HS6ST3: variants seen among roughly 807,000 people sequenced by gnomAD.
HS6ST3 encodes heparan sulfate 6-O-sulfotransferase 3.
Under a neutral mutation model 36.7 loss-of-function variants are expected in HS6ST3, and 12 were observed. The observed-to-expected ratio is 0.33, with a 90% CI of 0.21 to 0.53. The LOEUF (loss-of-function observed/expected upper bound fraction) is 0.53. HS6ST3 is among the 20% of genes least tolerant of loss of function. The pLI, the probability that HS6ST3 is intolerant of heterozygous loss-of-function variation, is 0.95. For synonymous variants in HS6ST3, 240 were observed against 257.5 expected (o/e 0.93, Z 0.65); for missense variants, 584 against 640.9 (o/e 0.91, Z 0.96).
intron 1 of HS6ST3, among the ~76,000 whole-genome samples, chr13:96,831,087 T>G (rs576022293): frequency 1.3e-5 from 2 of 152,324 alleles, no homozygotes; most frequent in Admixed American, 1.3e-4. Flanking sequence ...TTGTCCTTAT[T>G]TTAAACCAGT....
In HS6ST3 at chr13:96,564,688, C is replaced by T. The variant is rs147837896; in HGVS notation, c.708-267802C>T. 6.3e-3 allele frequency among the ~76,000 whole-genome samples: 959 copies of T among 152,268 alleles called. 3 individuals carry two copies. Among genetic ancestry groups the T allele is most frequent in the Non-Finnish European group, 9.6e-3 (656 of 68,020 alleles). On this transcript the variant is annotated intron_variant, in intron 1 of 1. Coordinates refer to ENST00000376705, the MANE Select transcript of HS6ST3 (RefSeq NM_153456.4). Reference sequence around the variant, plus strand: ...AATTAGCAGAAATGGCACATGATCTCGCTACACTGATTCTTCCCTCATCTC... The same window carrying T: ...AATTAGCAGAAATGGCACATGATCTTGCTACACTGATTCTTCCCTCATCTC...
intron 1 of HS6ST3, among the ~76,000 whole-genome samples, chr13:96,311,666 A>G (rs2054941650): frequency 6.6e-6 from 1 of 152,178 alleles, no homozygotes; most frequent in Non-Finnish European, 1.5e-5. Flanking sequence ...CATATGTCAC[A>G]TATTGGAGGT....
intron 1 of HS6ST3, among the ~76,000 whole-genome samples, chr13:96,529,746 A>C (rs1159343000): frequency 6.6e-6 from 1 of 152,192 alleles, no homozygotes; most frequent in African/African-American, 2.4e-5. Flanking sequence ...GGGCTAAATC[A>C]CATTGTATTT....
chr13:96,103,206 G>A (rs182635662), intron 1 of HS6ST3, among the ~76,000 whole-genome samples: 210 of 152,256 alleles, frequency 1.4e-3, no homozygotes, highest in African/African-American at 4.6e-3. Flanking sequence ...CCTAAAGAGA[G>A]ATGAGTCCAA....
rs565974616 is a variant in HS6ST3, at chr13:96,459,500, G to T, written c.707+367931G>T. Reference sequence around the variant, plus strand: ...ATATGGAAAAATACTGAGAATTTAGGCACAGTTCTTAGTAGGTCAGTTAAT... The same window carrying T: ...ATATGGAAAAATACTGAGAATTTAGTCACAGTTCTTAGTAGGTCAGTTAAT... On this transcript the variant is annotated intron_variant, in intron 1 of 1. Transcript: ENST00000376705. Among the ~76,000 whole-genome samples, 4 of 152,220 alleles carry T rather than the reference G, an allele frequency of 2.6e-5. No individual in the cohort carries two copies. The South Asian group carries it at 8.3e-4, about 32-fold the overall frequency.
rs1360675960 is a variant in HS6ST3 at position 96,250,353 on chromosome 13, G to A, written c.707+158784G>A. Among the ~76,000 whole-genome samples, 3 of 152,174 alleles carry A rather than the reference G, an allele frequency of 2.0e-5. No homozygotes were observed. The East Asian group carries it at 5.8e-4, about 29-fold the overall frequency. ...GAGTGGGACTTTATTTGGAAAAAGG[G>A]TCTTTGTAGATGTGTAAGTTAAGAA... is the stretch of plus-strand genomic sequence containing the variant. On this transcript the variant is annotated intron_variant, in intron 1 of 1. Coordinates refer to ENST00000376705, the MANE Select transcript of HS6ST3 (RefSeq NM_153456.4).
intron 1 of HS6ST3, among the ~76,000 whole-genome samples, chr13:96,490,338 A>G (rs1236423694): frequency 6.6e-6 from 1 of 152,142 alleles, no homozygotes; most frequent in African/African-American, 2.4e-5. Context: ...AAAGTAGAAC[A>G]TGTGCACACT....
intron 1 of HS6ST3, among the ~76,000 whole-genome samples, chr13:96,579,704 AT>A (rs1322893090): frequency 6.6e-6 from 1 of 152,118 alleles, no homozygotes; most frequent in African/African-American, 2.4e-5. Context: ...AAATACCATT[AT>A]TTTTTTCTAC....
intron 1 of HS6ST3, among the ~76,000 whole-genome samples, chr13:96,288,919 G>A (rs2054816570): frequency 6.6e-6 from 1 of 151,922 alleles, no homozygotes. Context: ...AACCCCAAGA[G>A]ATGCTGCTAA....
At chr13:96,281,414 C>T (rs2054775508) in intron 1 of HS6ST3, among the ~76,000 whole-genome samples, 1 of 152,150 alleles carries the variant, frequency 6.6e-6, no homozygotes, top group Non-Finnish European at 1.5e-5. Flanking sequence ...AACAACTGTG[C>T]ATGCTTTTTT....
intron 1 of HS6ST3, among the ~76,000 whole-genome samples, chr13:96,435,321 AG>A (rs1021424397): frequency 3.3e-5 from 5 of 151,844 alleles, no homozygotes; most frequent in African/African-American, 9.7e-5. Flanking sequence ...TTCCCTTCCA[AG>A]GTGTACTCCT....
chr13:96,239,787 T>C (rs1028580863), intron 1 of HS6ST3, among the ~76,000 whole-genome samples: 1 of 152,150 alleles, frequency 6.6e-6, no homozygotes, highest in African/African-American at 2.4e-5. Context: ...GGGAAGGAAA[T>C]CCTTTAAATC....
intron 1 of HS6ST3, among the ~76,000 whole-genome samples, chr13:96,238,955 A>G (rs2139371540): frequency 6.6e-6 from 1 of 152,348 alleles, no homozygotes; most frequent in East Asian, 1.9e-4. Flanking sequence ...AACACGGGGA[A>G]ACAAAATAAA....
At chr13:96,246,488 G>C (rs1156233896) in intron 1 of HS6ST3, among the ~76,000 whole-genome samples, 1 of 152,188 alleles carries the variant, frequency 6.6e-6, no homozygotes, top group African/African-American at 2.4e-5. Context: ...CAGTCCTGTA[G>C]AATCAGGGCT....
chr13:96,291,431 G>T (rs548634378), intron 1 of HS6ST3, among the ~76,000 whole-genome samples: 2 of 152,258 alleles, frequency 1.3e-5, no homozygotes, highest in South Asian at 4.1e-4. Flanking sequence ...TTTTGGGAAA[G>T]GATAGGAACT....
intron 1 of HS6ST3, among the ~76,000 whole-genome samples, chr13:96,633,855 G>A (rs909090918): frequency 1.3e-5 from 2 of 152,136 alleles, no homozygotes; most frequent in African/African-American, 4.8e-5. Flanking sequence ...TAGGCCTTGG[G>A]ATATGTGAGT....
intron 1 of HS6ST3, among the ~76,000 whole-genome samples, chr13:96,744,202 TCTTTCCATAAGGAGTGTAATTTTCA>T (rs1876509474): frequency 1.3e-5 from 2 of 152,098 alleles, no homozygotes; most frequent in South Asian, 4.1e-4. Flanking sequence ...ATTTTTTTTC[TCTTTCCATAAGGAGTGTAATTTTCA>T]CTGGGCTTGG....
intron 1 of HS6ST3, among the ~76,000 whole-genome samples, chr13:96,276,105 C>T (rs1261898891): frequency 6.6e-6 from 1 of 152,142 alleles, no homozygotes. Flanking sequence ...TCCCAGCATG[C>T]CTTGATAGCC....
chr13:96,233,116 A>T (rs1412387797), intron 1 of HS6ST3, among the ~76,000 whole-genome samples: 1 of 152,220 alleles, frequency 6.6e-6, no homozygotes, highest in Non-Finnish European at 1.5e-5. Context: ...TGTGTAAATA[A>T]TATGTTTTTC....
Sources: gnomAD v4.1 joint callset for allele counts (sites outside exome capture counted in the v4.1 genomes callset) on GRCh38, gnomAD v4.1.1 for gene constraint, MANE v1.5 for transcripts, NCBI Gene and HGNC (gene_info 2026-07-23, HGNC 2026-07-21) for gene names.